The following GRM7 variants were observed in gnomAD, a reference collection of about 807,000 sequenced individuals.
The protein encoded by GRM7 is metabotropic glutamate receptor 7.
GRM7 carries 35 observed loss-of-function variants against 84.5 expected under a neutral mutation model. That is an observed-to-expected ratio of 0.41 (90% CI 0.32 to 0.55). The LOEUF is 0.55. GRM7 is among the 20% of genes least tolerant of loss of function. The probability of loss-of-function intolerance (pLI) is 0.19; values close to 1 mark genes in which losing one functional copy is unlikely to be tolerated. For synonymous variants in GRM7, 487 were observed against 455.1 expected (o/e 1.07, Z -0.89); for missense variants, 1,003 against 1,194.6 (o/e 0.84, Z 2.36).
intron 7 of GRM7, among the ~76,000 whole-genome samples, chr3:7,531,864 G>A (rs1482081198): frequency 1.3e-5 from 2 of 152,132 alleles, no homozygotes; most frequent in Non-Finnish European, 2.9e-5. Context: ...GGGAGAGAGG[G>A]CATCCTTGTC....
intron 4 of GRM7, among the ~76,000 whole-genome samples, chr3:7,316,249 G>A (rs939125011): frequency 6.6e-5 from 10 of 152,082 alleles, no homozygotes; most frequent in African/African-American, 2.4e-4. Context: ...GTGATTGCAT[G>A]GACTTTGCTA....
At chr3:7,604,553 C>A (rs953979439) in intron 8 of GRM7, among the ~76,000 whole-genome samples, 1 of 152,072 alleles carries the variant, frequency 6.6e-6, no homozygotes, top group Non-Finnish European at 1.5e-5. Context: ...ATGCTCAGAC[C>A]CCGTAAAGCC....
chr3:7,219,083 C>T (rs1470438961), intron 2 of GRM7, among the ~76,000 whole-genome samples: 2 of 152,148 alleles, frequency 1.3e-5, no homozygotes, highest in Non-Finnish European at 2.9e-5. Context: ...TAAGGTCACA[C>T]AGGTTTTTTC....
In GRM7 at chr3:7,141,408, T is replaced by G. The variant is rs533820989; in HGVS notation, c.520-5044T>G. ...TGCAAGGTTTACATGGAGACAATTA[T>G]AAGATTTTAGGAAGAGCAAGAATGA... On this transcript the variant is annotated intron_variant, in intron 1 of 9. Coordinates refer to ENST00000357716, the MANE Select transcript of GRM7 (RefSeq NM_000844.4). Among the ~76,000 whole-genome samples, 34 of 152,178 alleles carry G rather than the reference T, an allele frequency of 2.2e-4. 1 individual carries two copies. In the South Asian group the frequency reaches 5.4e-3, roughly 24 times the overall value.
At chr3:6,907,341 C>A (rs547405324) in intron 1 of GRM7, among the ~76,000 whole-genome samples, 1 of 152,178 alleles carries the variant, frequency 6.6e-6, no homozygotes, top group Admixed American at 6.5e-5. Flanking sequence ...GTAAAAAGTA[C>A]ATGAGATGAA....
At chr3:6,924,922 A>G (rs911894164) in intron 1 of GRM7, among the ~76,000 whole-genome samples, 3 of 152,270 alleles carry the variant, frequency 2.0e-5, no homozygotes, top group South Asian at 2.1e-4. Flanking sequence ...TTTGGGAGTC[A>G]TGATATTAGG....
At chr3:7,736,816 A>G (rs1398725955) in intron 9 of GRM7, among the ~76,000 whole-genome samples, 2 of 152,132 alleles carry the variant, frequency 1.3e-5, no homozygotes, top group Admixed American at 6.5e-5. Context: ...GGATGTTTAA[A>G]TCACTTCATG....
At chr3:7,136,455 C>A (rs946520030) in intron 1 of GRM7, among the ~76,000 whole-genome samples, 4 of 152,042 alleles carry the variant, frequency 2.6e-5, no homozygotes, top group Admixed American at 2.0e-4. Flanking sequence ...ACAGAGTGAG[C>A]AGCTTCCTAA....
chr3:7,677,216 C>G (rs983549622), intron 8 of GRM7, among the ~76,000 whole-genome samples: 1 of 142,354 alleles, frequency 7.0e-6, no homozygotes, highest in Admixed American at 7.4e-5. Context: ...GAGCTGAGAT[C>G]GCACCACTGC....
rs13322834 is a variant in GRM7, at chr3:7,415,233, C to A, written c.1174+70C>A. The A allele has an allele frequency of 2.6e-3, 3,397 of 1,287,398 alleles. 65 individuals are homozygous for A. In the African/African-American group the frequency reaches 0.041, roughly 15 times the overall value. The allele number at this position is 1,287,398 out of a possible 1,614,324, so 79.7% of individuals were successfully genotyped here. ...AGCACTGACATGTCTGCATAGCTGA[C>A]AGAAGGAAGCTTGGCTGGAGACAAA... On this transcript the variant is annotated intron_variant, in intron 5 of 9. Coordinates refer to ENST00000357716, the MANE Select transcript of GRM7 (RefSeq NM_000844.4).
At chr3:7,210,314 C>T (rs188736962) in intron 2 of GRM7, among the ~76,000 whole-genome samples, 2 of 152,336 alleles carry the variant, frequency 1.3e-5, no homozygotes, top group Admixed American at 1.3e-4. Context: ...CCATTAGAAA[C>T]ATACCCTAAG....
intron 8 of GRM7, among the ~76,000 whole-genome samples, chr3:7,586,121 G>A (rs1695507309): frequency 6.6e-6 from 1 of 152,040 alleles, no homozygotes; most frequent in Non-Finnish European, 1.5e-5. Flanking sequence ...CTACCTCTAG[G>A]TTTAAGAGAA....
At chr3:7,667,420 C>T (rs77978422) in intron 8 of GRM7, among the ~76,000 whole-genome samples, 15,003 of 151,968 alleles carry the variant, frequency 0.099, 1,245 homozygotes, top group African/African-American at 0.22. Flanking sequence ...TAGGAGACTT[C>T]GGTATTTTAT....
chr3:7,541,796 G>A (rs531420205), intron 7 of GRM7, among the ~76,000 whole-genome samples: 4 of 152,262 alleles, frequency 2.6e-5, no homozygotes, highest in African/African-American at 9.6e-5. Context: ...GTTTCCTGGG[G>A]CTGTTGTCAC....
chr3:6,901,604 T>TAAAAAAAAAAAA lies in GRM7; in HGVS notation c.519+39719_519+39730dup, dbSNP rs33945077. On this transcript the variant is annotated intron_variant, in intron 1 of 9. Coordinates refer to ENST00000357716, the MANE Select transcript of GRM7 (RefSeq NM_000844.4). Reference sequence around the variant, plus strand: ...CCTGGTGACAGAGCAAGACTCCGTCTAAAAAAAAAAAAAAAAAAAAAAAAA... The same window carrying TAAAAAAAAAAAA: ...CCTGGTGACAGAGCAAGACTCCGTCTAAAAAAAAAAAAAAAAAAAAAAAAAAAAAAAAAAAAA... Among the ~76,000 whole-genome samples the TAAAAAAAAAAAA allele has an allele frequency of 6.2e-4, 25 of 40,500 alleles. 1 individual carries two copies. Among genetic ancestry groups the TAAAAAAAAAAAA allele is most frequent in the Non-Finnish European group, 6.9e-4 (16 of 23,154 alleles). The allele number at this position is 40,500 out of a possible 152,430, so 26.6% of individuals were successfully genotyped here.
In GRM7 at chr3:7,208,637, C is replaced by T. The variant is rs1696318778; in HGVS notation, c.736+61969C>T. Among the ~76,000 whole-genome samples the T allele has an allele frequency of 2.0e-5, 3 of 152,278 alleles. No homozygotes were observed. In the South Asian group the frequency reaches 6.2e-4, roughly 32 times the overall value. Reference sequence around the variant, plus strand: ...ACACTAGCTGATATCGTAGTATTATCACGGGACTCTGTTGGGTCCTGTGGG... The same window carrying T: ...ACACTAGCTGATATCGTAGTATTATTACGGGACTCTGTTGGGTCCTGTGGG... On this transcript the variant is annotated intron_variant, in intron 2 of 9. Coordinates refer to ENST00000357716, the MANE Select transcript of GRM7 (RefSeq NM_000844.4).
chr3:6,979,106 G>A (rs537669122), intron 1 of GRM7, among the ~76,000 whole-genome samples: 6 of 152,072 alleles, frequency 3.9e-5, no homozygotes, highest in Admixed American at 6.6e-5. Context: ...AGTAAGTATC[G>A]ACACTAAAAT....
intron 4 of GRM7, among the ~76,000 whole-genome samples, chr3:7,329,598 A>C (rs1339024474): frequency 2.6e-5 from 4 of 152,158 alleles, no homozygotes; most frequent in Non-Finnish European, 5.9e-5. Flanking sequence ...TACTATAAAA[A>C]AGGTGATTTT....
At chr3:7,215,386 T>C (rs1390188010) in intron 2 of GRM7, among the ~76,000 whole-genome samples, 1 of 152,060 alleles carries the variant, frequency 6.6e-6, no homozygotes, top group Admixed American at 6.6e-5. Context: ...TCTTGGAGGC[T>C]GGGCACGGTG....
Sources: allele counts gnomAD v4.1 joint callset (sites outside exome capture counted in the v4.1 genomes callset), GRCh38; gene constraint gnomAD v4.1.1; transcripts MANE v1.5; gene names NCBI Gene and HGNC (gene_info 2026-07-23, HGNC 2026-07-21).